RIC1: variants seen among roughly 807,000 people sequenced by gnomAD.
The protein encoded by RIC1 is guanine nucleotide exchange factor subunit RIC1.
RIC1 carries 88 observed loss-of-function variants against 169.0 expected under a neutral mutation model. The observed-to-expected ratio is 0.52, with a 90% CI of 0.44 to 0.62. The LOEUF (loss-of-function observed/expected upper bound fraction) is 0.62, where lower values mean the gene tolerates loss of function less well. Ranked by LOEUF, RIC1 falls within the 20% of genes least tolerant of loss-of-function variation. RIC1 has a pLI of 0.00. For synonymous variants in RIC1, 790 were observed against 601.5 expected, an observed-to-expected ratio of 1.31 and a Z score of -4.59; for missense variants, 1,877 against 1,725.5, an observed-to-expected ratio of 1.09 and a Z score of -1.56.
At chr9:5,652,483 T>C (rs1818859616) in intron 1 of RIC1, among the ~76,000 whole-genome samples, 1 of 152,206 alleles carries the variant, frequency 6.6e-6, no homozygotes, top group Non-Finnish European at 1.5e-5. Context: ...GGGATTGTTT[T>C]GTTGATTTCT....
At chr9:5,663,569 C>T (rs573345008) in intron 2 of RIC1, among the ~76,000 whole-genome samples, 4 of 151,976 alleles carry the variant, frequency 2.6e-5, no homozygotes, top group East Asian at 1.9e-4. Context: ...CTTTATGTAA[C>T]GCCCTTTGCC....
intron 1 of RIC1, among the ~76,000 whole-genome samples, chr9:5,652,168 G>A (rs2130414340): frequency 6.6e-6 from 1 of 152,100 alleles, no homozygotes; most frequent in South Asian, 2.1e-4. Context: ...TGTTATTTTT[G>A]TTCAAGATTG....
intron 4 of RIC1, among the ~76,000 whole-genome samples, chr9:5,717,767 GC>G (rs1250700324): frequency 1.3e-5 from 2 of 150,426 alleles, no homozygotes; most frequent in Non-Finnish European, 3.0e-5. Flanking sequence ...ATCCCGGGAG[GC>G]GGAGGTTTCA....
At chr9:5,638,475 C>G (rs1441564515) in intron 1 of RIC1, among the ~76,000 whole-genome samples, 3 of 152,140 alleles carry the variant, frequency 2.0e-5, no homozygotes, top group Non-Finnish European at 2.9e-5. Context: ...AGGTCTTGGG[C>G]TTTTCTTTAC....
chr9:5,651,277 G>T (rs1818785675), intron 1 of RIC1, among the ~76,000 whole-genome samples: 1 of 151,924 alleles, frequency 6.6e-6, no homozygotes. Flanking sequence ...CTTGCTTTAG[G>T]TGTTTCCTGT....
At chr9:5,665,832 T>TACTG (rs1819719321) in intron 2 of RIC1, among the ~76,000 whole-genome samples, 1 of 152,002 alleles carries the variant, frequency 6.6e-6, no homozygotes, top group Non-Finnish European at 1.5e-5. Flanking sequence ...CACAGGGGGG[T>TACTG]ACTGACCTGT....
intron 1 of RIC1, among the ~76,000 whole-genome samples, chr9:5,638,900 G>A (rs768238473): frequency 3.9e-5 from 6 of 152,006 alleles, no homozygotes; most frequent in Non-Finnish European, 7.4e-5. Context: ...GGCATCATTA[G>A]GTTATTTATT....
intron 2 of RIC1, among the ~76,000 whole-genome samples, chr9:5,689,316 A>G (rs533015437): frequency 5.5e-4 from 84 of 151,898 alleles, no homozygotes; most frequent in Non-Finnish European, 9.9e-4. Flanking sequence ...CTCCCAAAAT[A>G]CTGGGATTAC....
At chr9:5,631,433 C>T (rs1450978799) in intron 1 of RIC1, among the ~76,000 whole-genome samples, 1 of 152,020 alleles carries the variant, frequency 6.6e-6, no homozygotes, top group East Asian at 1.9e-4. Flanking sequence ...TCTCTGGGCA[C>T]CAGCTTTGTT....
At chr9:5,633,498 C>G (rs966841368) in intron 1 of RIC1, among the ~76,000 whole-genome samples, 2 of 152,124 alleles carry the variant, frequency 1.3e-5, no homozygotes, top group African/African-American at 4.8e-5. Flanking sequence ...TGTTGAAATC[C>G]TTTCTTTATG....
chr9:5,772,823 A>G (rs2131155240), intron 24 of RIC1, 69 bp from the exon 25 acceptor site: 3 of 1,550,246 alleles, frequency 1.9e-6, no homozygotes, highest in Middle Eastern at 1.7e-4. Context: ...TCTCCTAATA[A>G]TCATTGCACT....
Position 5,743,694 on chromosome 9 carries a change from G to T in RIC1, c.1052G>T (p.Arg351Met), listed in dbSNP as rs1825211572. 2 of 1,606,744 alleles carry T rather than the reference G, an allele frequency of 1.2e-6. No homozygotes were observed. The highest frequency in any genetic ancestry group is 1.7e-6 in the Non-Finnish European group (2 of 1,174,310). The change falls in exon 10 of 26, where the codon AGG becomes ATG. Residue 351 changes from arginine to methionine, a missense_variant. Arg to Met is a moderately conservative substitution (Grantham distance 91, BLOSUM62 -1). Around this residue, in one of 3 missense-constraint regions of RIC1, gnomAD observed 1,104 missense variants for 992.0 expected, o/e 1.11. Coordinates refer to ENST00000414202, the MANE Select transcript of RIC1 (RefSeq NM_020829.4). ...ICTLGGDFAY[R>M]SDGTKKDPLK... ...TAGTTTCTGTTCTGTTTCAGTTATA[G>T]GTCTGATGGCACCAAAAAAGATCCC... is the stretch of plus-strand genomic sequence containing the variant.
At position 5,763,477 on chromosome 9, in the gene RIC1, T is replaced by G; in HGVS notation, c.2450T>G (p.Phe817Cys). ...GAACAGCTGGAGGTGCTCTTCCCTT[T>G]CTGTGTTGTGGAGAGAACCTCTCAG... ...AREQLEVLFP[F>C]CVVERTSQIY... is the part of the protein sequence containing the mutation. Residue 817 changes from phenylalanine (F) to cysteine (C), a missense_variant, in exon 19 of 26, where the codon TTC becomes TGC. Coordinates refer to ENST00000414202, the MANE Select transcript of RIC1 (RefSeq NM_020829.4). The surrounding 1 kb of genome is among the most constrained non-coding windows in gnomAD (Gnocchi z 5.2). 1 of 1,614,218 alleles carries G rather than the reference T, an allele frequency of 6.2e-7. No homozygotes were observed. The highest frequency in any genetic ancestry group is 8.5e-7 in the Non-Finnish European group (1 of 1,180,038).
chr9:5,710,969 CA>C (rs1014084933), intron 3 of RIC1, among the ~76,000 whole-genome samples: 24 of 152,082 alleles, frequency 1.6e-4, no homozygotes, highest in African/African-American at 5.8e-4. Flanking sequence ...AAAGAGAGAA[CA>C]GGGAATGGAG....
chr9:5,692,963 G>A (rs564914882), intron 3 of RIC1, among the ~76,000 whole-genome samples: 30 of 152,158 alleles, frequency 2.0e-4, no homozygotes, highest in Admixed American at 5.2e-4. Context: ...AGTCACACGC[G>A]AATAAGTTGT....
At chr9:5,756,120 A>AAT in intron 15 of RIC1, 92 bp from the exon 16 acceptor site, 4 of 666,024 alleles carry the variant, frequency 6.0e-6, no homozygotes, top group Non-Finnish European at 8.7e-6. Flanking sequence ...AAAAAAAAAA[A>AAT]GTCGGAAGTT....
chr9:5,645,683 C>T (rs571039705), intron 1 of RIC1, among the ~76,000 whole-genome samples: 1 of 152,334 alleles, frequency 6.6e-6, no homozygotes, highest in Admixed American at 6.5e-5. Context: ...TTATTGCACT[C>T]AGCATGTCTT....
chr9:5,641,767 T>C (rs546485947), intron 1 of RIC1, among the ~76,000 whole-genome samples: 1 of 143,722 alleles, frequency 7.0e-6, no homozygotes, highest in East Asian at 1.9e-4. Context: ...GCTGCTTGAT[T>C]TTTAAAAATT....
intron 6 of RIC1, among the ~76,000 whole-genome samples, chr9:5,730,539 G>C (rs1000870619): frequency 2.0e-5 from 3 of 152,102 alleles, no homozygotes; most frequent in African/African-American, 7.2e-5. Context: ...GTATATATGG[G>C]TGCATGTTTA....
Sources: allele counts gnomAD v4.1 joint callset (sites outside exome capture counted in the v4.1 genomes callset), GRCh38; gene constraint gnomAD v4.1.1; regional missense constraint gnomAD v4.1.1; non-coding constraint Gnocchi (gnomAD v3.1); transcripts MANE v1.5; gene names NCBI Gene and HGNC (gene_info 2026-07-23, HGNC 2026-07-21).